The following DSCAM variants were observed in gnomAD, a reference collection of about 807,000 sequenced individuals.
The protein encoded by DSCAM is DS cell adhesion molecule, also known as cell adhesion molecule DSCAM.
Under a neutral mutation model 217.7 loss-of-function variants are expected in DSCAM, and 47 were observed. That is an observed-to-expected ratio of 0.22 (90% CI 0.17 to 0.28). The LOEUF is 0.28. DSCAM is among the 10% of genes least tolerant of loss of function. The pLI, the probability that DSCAM is intolerant of heterozygous loss-of-function variation, is 1.00. For synonymous variants in DSCAM, 1,056 were observed against 1,015.3 expected (o/e 1.04, Z -0.76); for missense variants, 2,080 against 2,618.3 (o/e 0.79, Z 4.49).
intron 3 of DSCAM, among the ~76,000 whole-genome samples, chr21:40,663,089 T>C (rs1347017269): frequency 6.8e-6 from 1 of 146,558 alleles, no homozygotes; most frequent in African/African-American, 2.5e-5. Flanking sequence ...GTATGTGTAG[T>C]ATGTATGTGT....
In DSCAM at chr21:40,844,802, T is replaced by C. The variant is rs185247865; in HGVS notation, c.43+1817A>G. The stretch of plus-strand genomic sequence containing the variant: ...TAAATTCTTCCATACCATTTTGTCA[T>C]ACAAAATGCTAAAACTGTAAATAAA... On this transcript the variant is annotated intron_variant, in intron 1 of 32. Coordinates refer to ENST00000400454, the MANE Select transcript of DSCAM (RefSeq NM_001389.5). Among the ~76,000 whole-genome samples, 838 of 151,910 alleles carry C rather than the reference T, an allele frequency of 5.5e-3. 12 individuals carry two copies. The highest frequency in any genetic ancestry group is 0.02 in the African/African-American group (804 of 41,186).
chr21:40,315,496 G>C (rs1238578078), intron 8 of DSCAM, among the ~76,000 whole-genome samples: 4 of 151,988 alleles, frequency 2.6e-5, no homozygotes, highest in Non-Finnish European at 5.9e-5. Flanking sequence ...ATAGAATACA[G>C]GAAATATATG....
chr21:40,619,775 T>G (rs2089454196), intron 3 of DSCAM, among the ~76,000 whole-genome samples: 1 of 151,770 alleles, frequency 6.6e-6, no homozygotes. Flanking sequence ...ATTGGAAAGC[T>G]TTTGAAAGAG....
At chr21:40,555,531 G>A (rs1156934366) in intron 3 of DSCAM, among the ~76,000 whole-genome samples, 2 of 152,126 alleles carry the variant, frequency 1.3e-5, no homozygotes, top group East Asian at 3.8e-4. Flanking sequence ...ACATTATATT[G>A]TATTTAATTA....
intron 3 of DSCAM, among the ~76,000 whole-genome samples, chr21:40,530,537 C>A (rs910178512): frequency 1.3e-5 from 2 of 152,152 alleles, no homozygotes; most frequent in African/African-American, 4.8e-5. Context: ...TATAGAAAGA[C>A]TCAAGTGCTT....
At chr21:40,463,714 C>T (rs1026219065) in intron 3 of DSCAM, among the ~76,000 whole-genome samples, 1 of 152,168 alleles carries the variant, frequency 6.6e-6, no homozygotes, top group Admixed American at 6.5e-5. Flanking sequence ...CAGGTCCAGA[C>T]CCCTGCTCCT....
At chr21:40,615,953 C>T (rs73368956) in intron 3 of DSCAM, among the ~76,000 whole-genome samples, 2,855 of 152,146 alleles carry the variant, frequency 0.019, 67 homozygotes, top group East Asian at 0.092. Flanking sequence ...AGAAAGCTCC[C>T]TTTCTGATAG....
At chr21:40,327,533 T>C (rs896157152) in intron 8 of DSCAM, among the ~76,000 whole-genome samples, 1 of 152,152 alleles carries the variant, frequency 6.6e-6, no homozygotes, top group Non-Finnish European at 1.5e-5. Context: ...CTGAATGCCT[T>C]GTATTTCTTT....
chr21:40,312,685 A>G (rs1057389039), intron 8 of DSCAM, among the ~76,000 whole-genome samples: 1 of 152,224 alleles, frequency 6.6e-6, no homozygotes. Context: ...TTTTCCTTCA[A>G]AGCCTTTTAA....
intron 3 of DSCAM, among the ~76,000 whole-genome samples, chr21:40,605,215 G>A (rs2089216484): frequency 6.6e-6 from 1 of 152,140 alleles, no homozygotes; most frequent in Non-Finnish European, 1.5e-5. Context: ...CCATTTACGT[G>A]TTCCTACCAA....
intron 10 of DSCAM, among the ~76,000 whole-genome samples, chr21:40,293,226 G>C (rs1339932291): frequency 6.6e-6 from 1 of 152,166 alleles, no homozygotes; most frequent in African/African-American, 2.4e-5. Flanking sequence ...CCAGAGAGAT[G>C]CTGGCAAAAT....
rs768726144 is a variant in DSCAM at position 40,422,623 on chromosome 21, T to C, written c.509-53378A>G. On this transcript the variant is annotated intron_variant, in intron 3 of 32. Transcript: ENST00000400454. ...CGCCACTGCCCTCCAGCCTGGGTGATAGAGTGAGACTCCGTCTCAATAACA... is the reference window on the plus strand; with the variant it reads ...CGCCACTGCCCTCCAGCCTGGGTGACAGAGTGAGACTCCGTCTCAATAACA... 8.5e-5 allele frequency among the ~76,000 whole-genome samples: 13 copies of C among 152,286 alleles called. No individual in the cohort carries two copies. In the East Asian group the frequency reaches 1.7e-3, roughly 20 times the overall value.
chr21:40,521,148 G>C (rs556290243), intron 3 of DSCAM, among the ~76,000 whole-genome samples: 1 of 152,244 alleles, frequency 6.6e-6, no homozygotes, highest in Non-Finnish European at 1.5e-5. Flanking sequence ...GTAATGCCTG[G>C]AGACATTCTT....
chr21:40,255,106 C>G (rs1408502510), intron 11 of DSCAM, among the ~76,000 whole-genome samples: 1 of 152,038 alleles, frequency 6.6e-6, no homozygotes, highest in African/African-American at 2.4e-5. Flanking sequence ...TGTTAAATCC[C>G]ATTGAGGAGA....
At chr21:40,348,212 C>G (rs141254155) in intron 5 of DSCAM, among the ~76,000 whole-genome samples, 1 of 66,992 alleles carries the variant, frequency 1.5e-5, no homozygotes, top group Admixed American at 1.5e-4. Flanking sequence ...TCGTACCCCA[C>G]ACAGTTCCTA....
At chr21:40,479,115 T>C (rs570048561) in intron 3 of DSCAM, among the ~76,000 whole-genome samples, 7 of 152,316 alleles carry the variant, frequency 4.6e-5, no homozygotes, top group Admixed American at 6.5e-5. Flanking sequence ...AAGTGCTTCA[T>C]TGCAATGAGG....
chr21:40,703,196 T>C (rs938951254), intron 2 of DSCAM, among the ~76,000 whole-genome samples: 4 of 152,162 alleles, frequency 2.6e-5, no homozygotes, highest in African/African-American at 9.7e-5. Context: ...TTTTCTGCTA[T>C]TTTGTGTCTG....
intron 3 of DSCAM, among the ~76,000 whole-genome samples, chr21:40,519,461 A>C (rs1288061664): frequency 1.3e-5 from 2 of 152,128 alleles, no homozygotes; most frequent in African/African-American, 4.8e-5. Context: ...GGTATTGTGC[A>C]CTCTTAAAAG....
At chr21:40,755,315 G>A (rs2091264774) in intron 1 of DSCAM, among the ~76,000 whole-genome samples, 2 of 152,194 alleles carry the variant, frequency 1.3e-5, no homozygotes, top group South Asian at 2.1e-4. Flanking sequence ...GCGTGGTGGT[G>A]CATGCCTATA....
Sources: gnomAD v4.1 joint callset for allele counts (sites outside exome capture counted in the v4.1 genomes callset) on GRCh38, gnomAD v4.1.1 for gene constraint, MANE v1.5 for transcripts, NCBI Gene and HGNC (gene_info 2026-07-23, HGNC 2026-07-21) for gene names.